Variants in COL18A1 observed in about 807,000 individuals in gnomAD.
COL18A1 encodes collagen alpha-1(XVIII) chain.
COL18A1 carries 133 observed loss-of-function variants against 168.0 expected under a neutral mutation model. That is an observed-to-expected ratio of 0.79 (90% confidence interval 0.69 to 0.91). The LOEUF is 0.91. Among genes scored for constraint, COL18A1 ranks in the 40% least tolerant of loss-of-function variants. The probability of loss-of-function intolerance (pLI) is 0.00; values close to 1 mark genes in which losing one functional copy is unlikely to be tolerated. For missense variants in COL18A1, 2,126 were observed against 1,925.4 expected (o/e 1.10, Z -1.95); for synonymous variants, 949 against 809.0 (o/e 1.17, Z -2.94).
chr21:45,441,441 C>T (rs2034367565), intron 2 of COL18A1, among the ~76,000 whole-genome samples: 1 of 152,226 alleles, frequency 6.6e-6, no homozygotes, highest in South Asian at 2.1e-4. Flanking sequence ...CCAGGTGCCC[C>T]ACCTGCCCCA....
In COL18A1 at chr21:45,457,662, G is replaced by A. The variant is rs1374511212; in HGVS notation, c.107-10580G>A. 6.6e-6 allele frequency among the ~76,000 whole-genome samples: 1 copy of A among 152,230 alleles called. No homozygotes were observed. The highest frequency in any genetic ancestry group is 1.5e-5 in the Non-Finnish European group (1 of 68,038). On this transcript the variant is annotated intron_variant, in intron 2 of 41. Transcript: ENST00000651438. The surrounding 1 kb of genome is among the most constrained non-coding windows in gnomAD (Gnocchi z 4.6). ...GTCCGGGAGTAGACGGGGCCCCTGA[G>A]CTGTGCCTGCCCCATTCAGATTCTG...
Position 45,471,193 on chromosome 21 carries a change from T to C in COL18A1, c.651+2407T>C, listed in dbSNP as rs545673620. Among the ~76,000 whole-genome samples, 1 of 151,562 alleles carries C rather than the reference T, an allele frequency of 6.6e-6. No individual in the cohort carries two copies. On this transcript the variant is annotated intron_variant, in intron 3 of 41. Coordinates refer to ENST00000651438, the MANE Select transcript of COL18A1 (RefSeq NM_001379500.1). This position sits in a 1 kb window ranked among gnomAD's most constrained non-coding sequence, Gnocchi z 4.4. Reference sequence around the variant, plus strand: ...GTGCTGCTGGGCGTGGGTGGCGCGCTATGGGCCGTGTGCTGAGGGCTGTGT... The same window carrying C: ...GTGCTGCTGGGCGTGGGTGGCGCGCCATGGGCCGTGTGCTGAGGGCTGTGT...
At chr21:45,438,742 C>T (rs1043133999) in intron 2 of COL18A1, among the ~76,000 whole-genome samples, 1 of 152,264 alleles carries the variant, frequency 6.6e-6, no homozygotes, top group Non-Finnish European at 1.5e-5. Flanking sequence ...GCAAGCTCCA[C>T]AGCACGTGGA....
At position 45,490,616 on chromosome 21, in the gene COL18A1, TCGTGTGCCCTCCCAGGTCTCTGGGCCTC is replaced by T. The variant is rs967441380; in HGVS notation, c.2032-210_2032-183del. Among the ~76,000 whole-genome samples, 22 of 129,194 alleles carry T rather than the reference TCGTGTGCCCTCCCAGGTCTCTGGGCCTC, an allele frequency of 1.7e-4. 1 individual carries two copies. The highest frequency in any genetic ancestry group is 5.6e-4 in the African/African-American group (19 of 34,160). The allele number at this position is 129,194 out of a possible 152,430, so 84.8% of individuals were successfully genotyped here. ...TGTGCCCTCCCGGGTCCCTGGGCCTTCGTGTGCCCTCCCAGGTCTCTGGGCCTCCGTGTGCCCACTCCCGGAGCGCCAG... is the reference window on the plus strand; with the variant it reads ...TGTGCCCTCCCGGGTCCCTGGGCCTTCGTGTGCCCACTCCCGGAGCGCCAG... On this transcript the variant is annotated intron_variant, in intron 20 of 41. Coordinates refer to ENST00000651438, the MANE Select transcript of COL18A1 (RefSeq NM_001379500.1).
intron 13 of COL18A1, among the ~76,000 whole-genome samples, 155 bp downstream of exon 13, chr21:45,481,013 G>A (rs1048122141): frequency 3.9e-5 from 6 of 152,198 alleles, no homozygotes; most frequent in South Asian, 2.1e-4. Context: ...TTGCTGACTC[G>A]GGGCCACCCT....
Position 45,449,906 on chromosome 21 carries a change from C to T in COL18A1, c.107-18336C>T, listed in dbSNP as rs7283632. Among the ~76,000 whole-genome samples, 340 of 152,318 alleles carry T rather than the reference C, an allele frequency of 2.2e-3. 1 individual carries two copies. The highest frequency in any genetic ancestry group is 7.8e-3 in the African/African-American group (326 of 41,566). ...GCCATGATAAAGCTGCCTTTATCAT[C>T]GTGGTTTGAAAAAGTAGCCACAAAA... On this transcript the variant is annotated intron_variant, in intron 2 of 41. Transcript: ENST00000651438.
chr21:45,429,147 C>T (rs573745178), intron 2 of COL18A1, among the ~76,000 whole-genome samples: 28 of 152,266 alleles, frequency 1.8e-4, no homozygotes, highest in Non-Finnish European at 3.5e-4. Context: ...GTGATCTGCC[C>T]GCCTCGGCCT....
At chr21:45,421,450 A>G (rs1362993504) in intron 2 of COL18A1, 1 of 534,586 alleles carries the variant, frequency 1.9e-6, no homozygotes, top group Admixed American at 1.9e-5. Context: ...TTGCAGTGAC[A>G]GCCCTGGCGT....
In COL18A1 at chr21:45,504,562, T is replaced by A. The variant is rs1362560523; in HGVS notation, c.2868+6T>A. On this transcript the variant is annotated splice_donor_region_variant and intron_variant, in intron 34 of 41. Coordinates refer to ENST00000651438, the MANE Select transcript of COL18A1 (RefSeq NM_001379500.1). Reference sequence around the variant, plus strand: ...GTGGCTACCCTGGGATTCCAGTAAGTCCCAGCCTGTGCAGGCAGAGCCCAT... The same window carrying A: ...GTGGCTACCCTGGGATTCCAGTAAGACCCAGCCTGTGCAGGCAGAGCCCAT... 1 of 1,565,096 alleles carries A rather than the reference T, an allele frequency of 6.4e-7. No homozygotes were observed. The highest frequency in any genetic ancestry group is 8.6e-7 in the Non-Finnish European group (1 of 1,156,430).
intron 37 of COL18A1, chr21:45,506,299 A>AG (rs2037199979): frequency 1.1e-5 from 4 of 373,796 alleles, no homozygotes; most frequent in South Asian, 8.6e-5. Context: ...ACGAGGCGGC[A>AG]GGGGGGCTCA....
At chr21:45,419,494 C>T (rs574242120) in intron 2 of COL18A1, among the ~76,000 whole-genome samples, 13 of 152,158 alleles carry the variant, frequency 8.5e-5, no homozygotes, top group South Asian at 4.1e-4. Flanking sequence ...TCTCTGAGGC[C>T]GCCCATCACT....
At chr21:45,422,792 C>CTTT in intron 2 of COL18A1, 1 of 184,920 alleles carries the variant, frequency 5.4e-6, no homozygotes, top group Non-Finnish European at 1.1e-5. Flanking sequence ...GTCCAAGTGG[C>CTTT]TTTTTTTTTT....
intron 28 of COL18A1, chr21:45,495,143 T>A: frequency 1.5e-6 from 1 of 646,050 alleles, no homozygotes; most frequent in Non-Finnish European, 2.8e-6. Flanking sequence ...GACAGGGCAG[T>A]GGGCCTGTGT....
At chr21:45,437,846 GCACACA>G (rs1171687994) in intron 2 of COL18A1, among the ~76,000 whole-genome samples, 1 of 45,460 alleles carries the variant, frequency 2.2e-5, no homozygotes, top group Admixed American at 2.3e-4. Context: ...GCACTCTCCT[GCACACA>G]CTCACACTCA....
At chr21:45,451,597 C>G (rs141521077) in intron 2 of COL18A1, among the ~76,000 whole-genome samples, 3 of 152,216 alleles carry the variant, frequency 2.0e-5, no homozygotes, top group Non-Finnish European at 4.4e-5. Flanking sequence ...TTGTGGTTAA[C>G]GTTGCCTTTG....
At chr21:45,510,863 G>C (rs893188055) in intron 40 of COL18A1, among the ~76,000 whole-genome samples, 1 of 152,038 alleles carries the variant, frequency 6.6e-6, no homozygotes, top group Non-Finnish European at 1.5e-5. Flanking sequence ...GAGGCTGCCT[G>C]GCCAGGCCTG....
chr21:45,511,458 CCCCGG>C (rs1195980373), intron 41 of COL18A1, among the ~76,000 whole-genome samples: 1 of 152,128 alleles, frequency 6.6e-6, no homozygotes, highest in Non-Finnish European at 1.5e-5. Flanking sequence ...CCGAAGGTGC[CCCCGG>C]CCCTCTGCTC....
intron 6 of COL18A1, 125 bp downstream of exon 6, chr21:45,476,605 C>G: frequency 8.2e-7 from 1 of 1,219,888 alleles, no homozygotes; most frequent in Non-Finnish European, 1.2e-6. Context: ...GTATATGGTA[C>G]ATGTGTGTGT....
Position 45,475,538 on chromosome 21 carries a change from G to C in COL18A1, c.798+3G>C, listed in dbSNP as rs1056130189. ...GGGAGCTTCTCAGGGAGGAGACGGT[G>C]AGTAGCCGGACGGGGCCCAGCCCAC... On this transcript the variant is annotated splice_donor_region_variant and intron_variant, in intron 5 of 41. Transcript: ENST00000651438. The C allele has an allele frequency of 1.2e-6, 2 of 1,604,202 alleles. No individual in the cohort carries two copies. Among genetic ancestry groups the C allele is most frequent in the Non-Finnish European group, 1.7e-6 (2 of 1,177,200 alleles).
Sources: allele counts gnomAD v4.1 joint callset (sites outside exome capture counted in the v4.1 genomes callset), GRCh38; gene constraint gnomAD v4.1.1; non-coding constraint Gnocchi (gnomAD v3.1); transcripts MANE v1.5; gene names NCBI Gene and HGNC (gene_info 2026-07-23, HGNC 2026-07-21).